The following THADA variants were observed in gnomAD, a reference collection of about 807,000 sequenced individuals.
The protein encoded by THADA is tRNA (32-2'-O)-methyltransferase regulator THADA.
A neutral mutation model predicts 219.8 loss-of-function variants in THADA; 213 were observed. That is an observed-to-expected ratio of 0.97 (90% CI 0.87 to 1.09). The LOEUF (loss-of-function observed/expected upper bound fraction) is 1.09. THADA is among the 50% of genes least tolerant of loss of function. The pLI is 0.00. For synonymous variants in THADA, 1,018 were observed against 828.9 expected (o/e 1.23, Z -3.92); for missense variants, 2,956 against 2,311.3 (o/e 1.28, Z -5.72).
intron 29 of THADA, among the ~76,000 whole-genome samples, chr2:43,352,750 T>A (rs977843632): frequency 6.6e-6 from 1 of 152,116 alleles, no homozygotes; most frequent in African/African-American, 2.4e-5. Flanking sequence ...TTATTTCACA[T>A]AGTAACTAGC....
chr2:43,427,900 G>A (rs1446099572), intron 28 of THADA, among the ~76,000 whole-genome samples, 200 bp downstream of exon 28: 3 of 149,588 alleles, frequency 2.0e-5, no homozygotes, highest in African/African-American at 7.3e-5. Context: ...AGCTTGCAGT[G>A]AGCCGAGATC....
chr2:43,388,481 C>A (rs940326442), intron 29 of THADA, among the ~76,000 whole-genome samples: 1 of 152,214 alleles, frequency 6.6e-6, no homozygotes, highest in Admixed American at 6.5e-5. Context: ...TCTCCTTTCA[C>A]TTTATGAACT....
At chr2:43,405,620 G>T (rs1368590875) in intron 28 of THADA, among the ~76,000 whole-genome samples, 1 of 152,168 alleles carries the variant, frequency 6.6e-6, no homozygotes, top group Non-Finnish European at 1.5e-5. Context: ...CCTCTGCATA[G>T]CTCAGGGATT....
intron 19 of THADA, among the ~76,000 whole-genome samples, chr2:43,551,127 A>G (rs537756287): frequency 6.6e-6 from 1 of 152,320 alleles, no homozygotes; most frequent in East Asian, 1.9e-4. Context: ...TATCAGCCCA[A>G]GGTATTTCAG....
chr2:43,539,040 T>C (rs1306047660), intron 21 of THADA, among the ~76,000 whole-genome samples: 2 of 152,238 alleles, frequency 1.3e-5, no homozygotes, highest in Non-Finnish European at 2.9e-5. Context: ...TTTTAGACTG[T>C]ATGGAATGGC....
At chr2:43,299,352 T>C (rs1675975268) in intron 31 of THADA, among the ~76,000 whole-genome samples, 1 of 152,086 alleles carries the variant, frequency 6.6e-6, no homozygotes, top group East Asian at 1.9e-4. Context: ...AAAGAACAAG[T>C]ACACAATAAT....
chr2:43,232,606 C>T, intron 37 of THADA, 107 bp downstream of exon 37: 1 of 1,248,936 alleles, frequency 8.0e-7, no homozygotes, highest in Non-Finnish European at 1.1e-6. Flanking sequence ...GTGGTTCCTG[C>T]TCTGTGTCTA....
Position 43,383,593 on chromosome 2 carries a change from T to G in THADA, c.4227+14378A>C, listed in dbSNP as rs181597039. 4.3e-3 allele frequency among the ~76,000 whole-genome samples: 656 copies of G among 152,330 alleles called. 1 individual carries two copies. Among genetic ancestry groups the G allele is most frequent in the Non-Finnish European group, 7.5e-3 (511 of 68,016 alleles). ...AAAAACGTTCATCTGAATTAGTACT[T>G]AAACATAATGAACATAGGAGTTTAA... On this transcript the variant is annotated intron_variant, in intron 29 of 37. Coordinates refer to ENST00000405975, the MANE Select transcript of THADA (RefSeq NM_022065.5).
At chr2:43,435,709 G>A (rs1680003889) in intron 26 of THADA, among the ~76,000 whole-genome samples, 1 of 150,890 alleles carries the variant, frequency 6.6e-6, no homozygotes, top group South Asian at 2.1e-4. Flanking sequence ...CTTGAACCTG[G>A]GAGGCAGAGG....
At chr2:43,428,713 A>C (rs1056991751) in intron 27 of THADA, among the ~76,000 whole-genome samples, 1 of 152,180 alleles carries the variant, frequency 6.6e-6, no homozygotes, top group African/African-American at 2.4e-5. Context: ...GTGCATCATA[A>C]GAAAAAACTA....
chr2:43,560,301 A>G lies in THADA; in HGVS notation c.2396T>C (p.Phe799Ser). The G allele has an allele frequency of 1.2e-6, 2 of 1,612,898 alleles. No homozygotes were observed. Among genetic ancestry groups the G allele is most frequent in the South Asian group, 2.2e-5 (2 of 90,872 alleles). ...QTLMECFTST[F>S]EDVKILAFDL... ...AAATGCTAAAATTTTCACGTCTTCAAAAGTGCTGGTAAAACATTCCATTAG... is the reference window on the plus strand; with the variant it reads ...AAATGCTAAAATTTTCACGTCTTCAGAAGTGCTGGTAAAACATTCCATTAG... The change falls in exon 16 of 38, where the codon TTT becomes TCT. Residue 799 changes from phenylalanine (F) to serine (S), a missense_variant. Transcript: ENST00000405975.
chr2:43,316,374 G>A (rs554206093), intron 31 of THADA, among the ~76,000 whole-genome samples: 2 of 152,228 alleles, frequency 1.3e-5, no homozygotes, highest in Non-Finnish European at 2.9e-5. Context: ...AGGCTAGCAG[G>A]TCTGATGAAT....
chr2:43,302,173 C>G (rs1441470098), intron 31 of THADA, among the ~76,000 whole-genome samples: 2 of 152,072 alleles, frequency 1.3e-5, no homozygotes, highest in African/African-American at 4.8e-5. Context: ...CATCTGAAAC[C>G]TTACCTTTTC....
At chr2:43,453,790 G>A (rs1011826997) in intron 26 of THADA, among the ~76,000 whole-genome samples, 5 of 152,156 alleles carry the variant, frequency 3.3e-5, no homozygotes, top group African/African-American at 7.2e-5. Context: ...ATGTGTTTCC[G>A]CTTAATAGCC....
At chr2:43,236,402 G>C (rs911975712) in intron 36 of THADA, among the ~76,000 whole-genome samples, 3 of 152,324 alleles carry the variant, frequency 2.0e-5, no homozygotes, top group South Asian at 2.1e-4. Context: ...AGCTCAGCCA[G>C]AACTGCCTAG....
chr2:43,492,655 G>A (rs1687783951), intron 25 of THADA, among the ~76,000 whole-genome samples: 1 of 152,106 alleles, frequency 6.6e-6, no homozygotes, highest in Non-Finnish European at 1.5e-5. Flanking sequence ...AATGAGATTT[G>A]GGTTCTAATT....
intron 29 of THADA, among the ~76,000 whole-genome samples, chr2:43,391,082 C>T (rs967105453): frequency 1.3e-5 from 2 of 152,094 alleles, no homozygotes; most frequent in Non-Finnish European, 2.9e-5. Flanking sequence ...GTTTTCTCAC[C>T]AGTAGGATGG....
chr2:43,594,214 C>A (rs1302669112), intron 1 of THADA, among the ~76,000 whole-genome samples: 1 of 152,142 alleles, frequency 6.6e-6, no homozygotes, highest in Non-Finnish European at 1.5e-5. Context: ...TTAAAAAAAA[C>A]TCTCATCAAA....
intron 30 of THADA, among the ~76,000 whole-genome samples, chr2:43,334,872 G>C (rs1230315075): frequency 1.3e-5 from 2 of 152,206 alleles, no homozygotes; most frequent in South Asian, 2.1e-4. Flanking sequence ...TTCCCATAGA[G>C]AGCCCTGGGG....
Sources: allele counts gnomAD v4.1 joint callset (sites outside exome capture counted in the v4.1 genomes callset), GRCh38; gene constraint gnomAD v4.1.1; transcripts MANE v1.5; gene names NCBI Gene and HGNC (gene_info 2026-07-23, HGNC 2026-07-21).